Variants in FUT8 observed in about 807,000 individuals in gnomAD.
FUT8 encodes the protein fucosyltransferase 8, also known as alpha-(1,6)-fucosyltransferase.
FUT8 carries 29 observed loss-of-function variants against 71.3 expected under a neutral mutation model. The observed-to-expected ratio is 0.41, with a 90% CI of 0.30 to 0.55. The LOEUF (loss-of-function observed/expected upper bound fraction) is 0.55. Ranked by LOEUF, FUT8 falls within the 20% of genes least tolerant of loss-of-function variation. The probability of loss-of-function intolerance (pLI) is 0.34; values close to 1 mark genes in which losing one functional copy is unlikely to be tolerated. For missense variants in FUT8, 544 were observed against 702.1 expected (o/e 0.77, Z 2.55); for synonymous variants, 254 against 239.3 (o/e 1.06, Z -0.57).
intron 2 of FUT8, among the ~76,000 whole-genome samples, chr14:65,530,920 G>A (rs10144979): frequency 0.69 from 100,199 of 145,224 alleles, 34,781 homozygotes; most frequent in East Asian, 0.9. Context: ...ATATTTTACT[G>A]TATCTCAACA....
At chr14:65,392,174 C>T in the FUT8 span, among the ~76,000 whole-genome samples, 2 of 152,246 alleles carry the variant, frequency 1.3e-5, no homozygotes, top group African/African-American at 4.8e-5. Flanking sequence ...TCAGGTGATC[C>T]GCCTGCCTCG....
chr14:65,732,311 G>A (rs974711368), intron 9 of FUT8, among the ~76,000 whole-genome samples: 4 of 152,188 alleles, frequency 2.6e-5, no homozygotes, highest in Non-Finnish European at 2.9e-5. Flanking sequence ...AAAGTCCCAG[G>A]CATAGGTAGC....
chr14:65,573,974 A>T (rs1886624939), intron 3 of FUT8, among the ~76,000 whole-genome samples: 1 of 152,184 alleles, frequency 6.6e-6, no homozygotes, highest in Non-Finnish European at 1.5e-5. Context: ...TGCACAGTTT[A>T]GGTGGTGTCT....
chr14:65,557,666 C>A (rs998000610), intron 2 of FUT8, among the ~76,000 whole-genome samples: 1 of 151,360 alleles, frequency 6.6e-6, no homozygotes, highest in African/African-American at 2.4e-5. Context: ...AGTGATATCA[C>A]TAATTAAATA....
At chr14:65,631,873 C>T (rs1230933848) in intron 6 of FUT8, among the ~76,000 whole-genome samples, 2 of 152,016 alleles carry the variant, frequency 1.3e-5, no homozygotes, top group African/African-American at 4.8e-5. Flanking sequence ...CTCCAAGTCC[C>T]CAAAGTTCAT....
In FUT8 at chr14:65,638,581, C is replaced by T. The variant is rs1297435583; in HGVS notation, c.597+8975C>T. Among the ~76,000 whole-genome samples the T allele has an allele frequency of 1.3e-5, 2 of 151,768 alleles. No homozygotes were observed. Among genetic ancestry groups the T allele is most frequent in the African/African-American group, 2.4e-5 (1 of 41,246 alleles). On this transcript the variant is annotated intron_variant, in intron 6 of 10. Transcript: ENST00000673929. The surrounding 1 kb of genome is among the most constrained non-coding windows in gnomAD (Gnocchi z 4.5). ...AACTTCTCCAGTGACAGTATATGAT[C>T]CTTTGGAATAAGGGGAATGTTAATG...
intron 1 of FUT8, among the ~76,000 whole-genome samples, chr14:65,451,247 G>A (rs1468611452): frequency 6.6e-6 from 1 of 152,240 alleles, no homozygotes; most frequent in African/African-American, 2.4e-5. Context: ...CCAGCCGGCT[G>A]CTTTGGCGCC....
chr14:65,743,993 C>T lies in FUT8; in HGVS notation c.*1583C>T, dbSNP rs552397434. 3.9e-5 allele frequency: 6 copies of T among 151,972 alleles called. No homozygotes were observed. The East Asian group carries it at 9.7e-4, about 25-fold the overall frequency. The allele number at this position is 151,972 out of a possible 1,614,324, so 9.4% of individuals were successfully genotyped here. ...AATGAAAATACTGTATATAAAATTT[C>T]ACCACCAAACTTAACTAAATTCTTT... On this transcript the variant is annotated 3_prime_UTR_variant, in exon 11 of 11. Coordinates refer to ENST00000673929, the MANE Select transcript of FUT8 (RefSeq NM_001371533.1).
chr14:65,614,022 G>A (rs1382701073), intron 3 of FUT8, among the ~76,000 whole-genome samples: 3 of 151,024 alleles, frequency 2.0e-5, no homozygotes, highest in Non-Finnish European at 2.9e-5. Flanking sequence ...GCCGAGGCAC[G>A]AGAATCATTT....
At chr14:65,469,343 G>C (rs540110328) in intron 2 of FUT8, among the ~76,000 whole-genome samples, 1 of 152,158 alleles carries the variant, frequency 6.6e-6, no homozygotes, top group South Asian at 2.1e-4. Context: ...GAATGTATCA[G>C]GTAAAAGGAA....
chr14:65,675,313 G>A (rs1892662403), intron 7 of FUT8, among the ~76,000 whole-genome samples: 1 of 152,210 alleles, frequency 6.6e-6, no homozygotes, highest in Non-Finnish European at 1.5e-5. Context: ...TAAACCTGGG[G>A]AAAGTGAATT....
chr14:65,611,711 A>G (rs1052871362), intron 3 of FUT8, among the ~76,000 whole-genome samples: 14 of 151,820 alleles, frequency 9.2e-5, no homozygotes, highest in African/African-American at 3.4e-4. Context: ...CCCCGGCTGG[A>G]GTTCAAAGGC....
chr14:65,363,401 G>A, the FUT8 span, among the ~76,000 whole-genome samples: 2 of 152,114 alleles, frequency 1.3e-5, no homozygotes, highest in Admixed American at 6.6e-5. Context: ...GATTACAGGC[G>A]TGAGCCACTG....
intron 2 of FUT8, among the ~76,000 whole-genome samples, chr14:65,536,627 A>T (rs61990027): frequency 0.067 from 10,141 of 152,196 alleles, 384 homozygotes; most frequent in Admixed American, 0.11. Context: ...GTCTGTTGTT[A>T]GTCTGTTGGG....
At chr14:65,362,118 T>C in the FUT8 span, among the ~76,000 whole-genome samples, 4 of 152,236 alleles carry the variant, frequency 2.6e-5, no homozygotes, top group African/African-American at 9.6e-5. Context: ...GATCAGCTAG[T>C]TGGGTTGCAT....
chr14:65,659,588 GA>G (rs1451539042), intron 6 of FUT8, among the ~76,000 whole-genome samples: 57 of 152,244 alleles, frequency 3.7e-4, no homozygotes, highest in African/African-American at 1.2e-3. Flanking sequence ...AAAAGGCCGA[GA>G]ACTGATACTT....
At chr14:65,424,486 T>A (rs564375938) in intron 1 of FUT8, among the ~76,000 whole-genome samples, 33 of 152,170 alleles carry the variant, frequency 2.2e-4, no homozygotes, top group African/African-American at 7.7e-4. Context: ...AGTATCTACA[T>A]ATATTTTAAG....
At chr14:65,456,156 C>T (rs983241945) in intron 2 of FUT8, among the ~76,000 whole-genome samples, 1 of 152,138 alleles carries the variant, frequency 6.6e-6, no homozygotes, top group African/African-American at 2.4e-5. Context: ...AGTGTTCATT[C>T]TATTAATTTT....
intron 2 of FUT8, among the ~76,000 whole-genome samples, chr14:65,468,743 T>C (rs1476696803): frequency 6.6e-6 from 1 of 152,112 alleles, no homozygotes; most frequent in Non-Finnish European, 1.5e-5. Context: ...ACAGTGTTAT[T>C]GATTTGTACA....
Sources: allele counts gnomAD v4.1 joint callset (sites outside exome capture counted in the v4.1 genomes callset), GRCh38; gene constraint gnomAD v4.1.1; non-coding constraint Gnocchi (gnomAD v3.1); transcripts MANE v1.5; gene names NCBI Gene and HGNC (gene_info 2026-07-23, HGNC 2026-07-21).